Variants in SETBP1 observed in about 807,000 individuals in gnomAD.
The protein encoded by SETBP1 is SET binding protein 1.
SETBP1 carries 9 observed loss-of-function variants against 101.0 expected under a neutral mutation model. The ratio of observed to expected loss-of-function variants is 0.09; its 90% confidence interval spans 0.05 to 0.16. SETBP1 has a LOEUF of 0.16. Ranked by LOEUF, SETBP1 falls within the 10% of genes least tolerant of loss-of-function variation. SETBP1 has a pLI of 1.00. For missense variants in SETBP1, 1,858 were observed against 2,033.8 expected (o/e 0.91, Z 1.66); for synonymous variants, 818 against 788.5 (o/e 1.04, Z -0.63).
At chr18:44,990,859 TATA>T (rs1292313081) in intron 4 of SETBP1, among the ~76,000 whole-genome samples, 3 of 148,314 alleles carry the variant, frequency 2.0e-5, no homozygotes, top group Non-Finnish European at 4.4e-5. Flanking sequence ...ATTTGGGTTC[TATA>T]ATATCTAAGT....
At chr18:44,785,902 A>G (rs1438115348) in intron 2 of SETBP1, among the ~76,000 whole-genome samples, 2 of 152,190 alleles carry the variant, frequency 1.3e-5, no homozygotes, top group African/African-American at 4.8e-5. Context: ...CCCCCCCACC[A>G]TAAATCAAAG....
At chr18:44,833,622 G>C (rs2072426532) in intron 2 of SETBP1, among the ~76,000 whole-genome samples, 1 of 152,230 alleles carries the variant, frequency 6.6e-6, no homozygotes, top group Admixed American at 6.5e-5. Context: ...TTCGAGGAGA[G>C]AGCTAGAAGT....
At chr18:44,683,949 A>T (rs1035244669) in intron 1 of SETBP1, among the ~76,000 whole-genome samples, 2 of 152,216 alleles carry the variant, frequency 1.3e-5, no homozygotes, top group African/African-American at 4.8e-5. Flanking sequence ...GCAGTGCTTT[A>T]AAAATGGGAT....
At chr18:45,045,217 T>G (rs2073587822) in intron 5 of SETBP1, among the ~76,000 whole-genome samples, 1 of 151,834 alleles carries the variant, frequency 6.6e-6, no homozygotes, top group Admixed American at 6.6e-5. Flanking sequence ...AGGTCAGGAG[T>G]TCGAGACCAG....
Position 44,701,306 on chromosome 18 carries a change from C to A in SETBP1, c.-41C>A. 6.9e-7 allele frequency: 1 copy of A among 1,452,836 alleles called. No individual in the cohort carries two copies. The highest frequency in any genetic ancestry group is 1.5e-5 in the South Asian group (1 of 66,752). The allele number at this position is 1,452,836 out of a possible 1,614,324, so 90.0% of individuals were successfully genotyped here. Reference sequence around the variant, plus strand: ...TCACCTTTCCCTTTTCCCTTTTCCCCTTCCCCCTCCTGAGAACTCCGGAAG... The same window carrying A: ...TCACCTTTCCCTTTTCCCTTTTCCCATTCCCCCTCCTGAGAACTCCGGAAG... On this transcript the variant is annotated 5_prime_UTR_variant, in exon 2 of 6. Coordinates refer to ENST00000649279, the MANE Select transcript of SETBP1 (RefSeq NM_015559.3).
chr18:44,791,660 A>G (rs1032174889), intron 2 of SETBP1, among the ~76,000 whole-genome samples: 1 of 152,140 alleles, frequency 6.6e-6, no homozygotes, highest in Admixed American at 6.5e-5. Flanking sequence ...CAGTTTTAAT[A>G]GCAGCTGGGC....
In SETBP1 at chr18:45,063,799, G is replaced by T. The variant is rs2073932351; in HGVS notation, c.*101G>T. On this transcript the variant is annotated 3_prime_UTR_variant, in exon 6 of 6. Coordinates refer to ENST00000649279, the MANE Select transcript of SETBP1 (RefSeq NM_015559.3). Reference sequence around the variant, plus strand: ...AATCCCCCGCTGCAGGGACACCCACGCCCTTCTCTCCAGAAGCCGGGCAGG... The same window carrying T: ...AATCCCCCGCTGCAGGGACACCCACTCCCTTCTCTCCAGAAGCCGGGCAGG... The T allele has an allele frequency of 8.2e-6, 11 of 1,347,346 alleles. No homozygotes were observed. The highest frequency in any genetic ancestry group is 1.3e-5 in the South Asian group (1 of 74,796). The allele number at this position is 1,347,346 out of a possible 1,614,324, so 83.5% of individuals were successfully genotyped here.
At chr18:44,889,656 A>G (rs1276235501) in intron 3 of SETBP1, among the ~76,000 whole-genome samples, 1 of 152,182 alleles carries the variant, frequency 6.6e-6, no homozygotes, top group Non-Finnish European at 1.5e-5. Context: ...AAGTCTTAAC[A>G]GATAGTTAAA....
intron 2 of SETBP1, among the ~76,000 whole-genome samples, chr18:44,810,377 C>G (rs1484327875): frequency 1.3e-5 from 2 of 152,162 alleles, no homozygotes; most frequent in Non-Finnish European, 2.9e-5. Flanking sequence ...TTTTAAGGAA[C>G]ACAATGAAAA....
At chr18:45,028,500 A>T (rs373916755) in intron 4 of SETBP1, among the ~76,000 whole-genome samples, 47 of 152,090 alleles carry the variant, frequency 3.1e-4, no homozygotes, top group Non-Finnish European at 2.1e-4. Flanking sequence ...TAGCAGCATG[A>T]TTTATAGTCC....
chr18:44,773,419 GCAGGTAAAGAGGAACCC>G (rs1170361524), intron 2 of SETBP1, among the ~76,000 whole-genome samples: 1 of 152,194 alleles, frequency 6.6e-6, no homozygotes, highest in Non-Finnish European at 1.5e-5. Flanking sequence ...CACAAGGAAA[GCAGGTAAAGAGGAACCC>G]CAGGAGACAC....
intron 3 of SETBP1, among the ~76,000 whole-genome samples, chr18:44,903,181 T>A (rs1290175252): frequency 6.6e-6 from 1 of 152,126 alleles, no homozygotes. Context: ...AAGCATTTAC[T>A]GACACTAAAC....
At position 44,693,670 on chromosome 18, in the gene SETBP1, A is replaced by T. The variant is rs531562006; in HGVS notation, c.-172-7505A>T. Among the ~76,000 whole-genome samples the T allele has an allele frequency of 2.5e-4, 38 of 152,336 alleles. 1 individual carries two copies. Among genetic ancestry groups the T allele is most frequent in the African/African-American group, 7.2e-4 (30 of 41,586 alleles). Reference sequence around the variant, plus strand: ...AGTCAGACAGTCAGTCTCTTGCCAGAACCTGACAAGAGATTCTTATAACTA... The same window carrying T: ...AGTCAGACAGTCAGTCTCTTGCCAGTACCTGACAAGAGATTCTTATAACTA... On this transcript the variant is annotated intron_variant, in intron 1 of 5. Transcript: ENST00000649279.
intron 2 of SETBP1, among the ~76,000 whole-genome samples, chr18:44,781,508 A>AC (rs928550588): frequency 1.0e-4 from 10 of 97,622 alleles, no homozygotes; most frequent in Non-Finnish European, 2.1e-4. Context: ...TCTCCCCCCC[A>AC]CCCCCACCTC....
chr18:44,923,536 G>A (rs1213301278), intron 3 of SETBP1, among the ~76,000 whole-genome samples: 1 of 152,154 alleles, frequency 6.6e-6, no homozygotes, highest in Non-Finnish European at 1.5e-5. Flanking sequence ...TGCCAGCCAT[G>A]TTCTTTAAAT....
At chr18:44,900,639 C>T (rs2070022379) in intron 3 of SETBP1, among the ~76,000 whole-genome samples, 1 of 152,130 alleles carries the variant, frequency 6.6e-6, no homozygotes, top group Non-Finnish European at 1.5e-5. Context: ...AAGTGTGCCC[C>T]CCAGACCAGC....
intron 3 of SETBP1, among the ~76,000 whole-genome samples, chr18:44,936,815 A>C (rs1015550509): frequency 9.8e-5 from 15 of 152,286 alleles, no homozygotes; most frequent in Middle Eastern, 3.4e-3. Context: ...TGAGCTCTCT[A>C]TGACTGCATA....
At chr18:44,741,457 G>A (rs1036705709) in intron 2 of SETBP1, among the ~76,000 whole-genome samples, 4 of 152,034 alleles carry the variant, frequency 2.6e-5, no homozygotes, top group African/African-American at 4.8e-5. Flanking sequence ...CTGTGCCATC[G>A]GGACCCCTTT....
At chr18:44,772,725 T>G (rs1446686812) in intron 2 of SETBP1, among the ~76,000 whole-genome samples, 1 of 152,230 alleles carries the variant, frequency 6.6e-6, no homozygotes, top group Non-Finnish European at 1.5e-5. Flanking sequence ...CCCAGGTTTC[T>G]TAATGTTTCT....
Sources: allele counts gnomAD v4.1 joint callset (sites outside exome capture counted in the v4.1 genomes callset), GRCh38; gene constraint gnomAD v4.1.1; transcripts MANE v1.5; gene names NCBI Gene and HGNC (gene_info 2026-07-23, HGNC 2026-07-21).